The following ODR4 variants were observed in gnomAD, a reference collection of about 807,000 sequenced individuals.
ODR4 encodes odr-4 GPCR localization factor homolog.
Under a neutral mutation model 60.2 loss-of-function variants are expected in ODR4, and 47 were observed. That is an observed-to-expected ratio of 0.78 (90% CI 0.62 to 1.00). The LOEUF is 1.00. Ranked by LOEUF, ODR4 falls within the 50% of genes least tolerant of loss-of-function variation. The pLI is 0.00. For missense variants in ODR4, 488 were observed against 530.8 expected (o/e 0.92, Z 0.79); for synonymous variants, 178 against 175.5 (o/e 1.01, Z -0.11).
intron 13 of ODR4, among the ~76,000 whole-genome samples, chr1:186,418,354 A>G (rs1661662004): frequency 6.8e-6 from 1 of 146,296 alleles, no homozygotes; most frequent in Admixed American, 6.9e-5. Context: ...GCAGTGGCGC[A>G]ATCTCGGCTC....
chr1:186,402,581 A>T (rs1426937910), intron 11 of ODR4, among the ~76,000 whole-genome samples: 161 of 147,552 alleles, frequency 1.1e-3, no homozygotes, highest in Non-Finnish European at 1.6e-3. Flanking sequence ...TTTTTTTTTT[A>T]ACTTTTTTGT....
At chr1:186,425,509 G>A (rs1661867333), downstream of ODR4, among the ~76,000 whole-genome samples, 1 of 152,076 alleles carries the variant, frequency 6.6e-6, no homozygotes. Context: ...ACTTTGCTCT[G>A]AGTCATTCTT....
downstream of ODR4, among the ~76,000 whole-genome samples, chr1:186,423,955 G>T (rs903548117): frequency 6.6e-6 from 1 of 152,184 alleles, no homozygotes; most frequent in African/African-American, 2.4e-5. Context: ...ATGTGCCTCA[G>T]TCTTTCACAC....
the ODR4 span, among the ~76,000 whole-genome samples, chr1:186,430,183 A>G: frequency 3.9e-5 from 6 of 152,184 alleles, no homozygotes; most frequent in African/African-American, 1.4e-4. Flanking sequence ...GTAAATAACT[A>G]TTATCTTTGT....
chr1:186,381,335 T>C (rs374401652), intron 2 of ODR4, among the ~76,000 whole-genome samples: 6 of 149,722 alleles, frequency 4.0e-5, no homozygotes, highest in African/African-American at 1.5e-4. Context: ...CTTCCTTCTT[T>C]TTTTTTTTTT....
At chr1:186,401,608 CTCTT>C (rs1404225266) in intron 11 of ODR4, among the ~76,000 whole-genome samples, 1 of 151,564 alleles carries the variant, frequency 6.6e-6, no homozygotes, top group African/African-American at 2.4e-5. Flanking sequence ...CTTCCTCCCT[CTCTT>C]TCTATGATCA....
intron 12 of ODR4, among the ~76,000 whole-genome samples, chr1:186,406,929 G>A (rs974551040): frequency 2.0e-5 from 3 of 151,992 alleles, no homozygotes; most frequent in African/African-American, 7.2e-5. Context: ...AAATAAATAT[G>A]TAAGTTCCTT....
intron 8 of ODR4, among the ~76,000 whole-genome samples, 154 bp from the exon 9 acceptor site, chr1:186,393,793 T>A (rs1660559699): frequency 6.6e-6 from 1 of 152,232 alleles, no homozygotes; most frequent in African/African-American, 2.4e-5. Context: ...TGATACAGAA[T>A]ACATAAAGTA....
intron 8 of ODR4, among the ~76,000 whole-genome samples, chr1:186,392,707 AC>A (rs1438969377): frequency 3.3e-5 from 5 of 151,486 alleles, no homozygotes; most frequent in African/African-American, 1.2e-4. Flanking sequence ...AATTGCAGCT[AC>A]TTGGGAGGCA....
At chr1:186,400,899 T>G (rs770552852) in intron 11 of ODR4, 7 of 669,812 alleles carry the variant, frequency 1.0e-5, no homozygotes, top group African/African-American at 3.6e-5. Context: ...ACATAGTCCA[T>G]CAGTCTAGCA....
intron 12 of ODR4, 90 bp downstream of exon 12, chr1:186,406,358 T>C: frequency 3.0e-6 from 3 of 1,007,458 alleles, no homozygotes; most frequent in Non-Finnish European, 4.2e-6. Flanking sequence ...TGTCTTTAGA[T>C]TTTTTTTAAA....
the ODR4 span, among the ~76,000 whole-genome samples, chr1:186,429,908 T>G: frequency 3.3e-5 from 5 of 152,298 alleles, no homozygotes; most frequent in Non-Finnish European, 5.9e-5. Context: ...CTCATAAAAT[T>G]TATAACATTT....
the ODR4 span, among the ~76,000 whole-genome samples, chr1:186,430,897 A>G: frequency 3.3e-5 from 5 of 151,278 alleles, no homozygotes; most frequent in Admixed American, 3.3e-4. Flanking sequence ...AAACAGGTTC[A>G]GGAAAGTCAT....
At chr1:186,421,397 G>C (rs1661771118), downstream of ODR4, 1 of 152,090 alleles carries the variant, frequency 6.6e-6, no homozygotes, top group Non-Finnish European at 1.5e-5. Context: ...TTTTAAATAA[G>C]GATATAATTG....
At chr1:186,403,556 A>C (rs1246505848) in intron 11 of ODR4, among the ~76,000 whole-genome samples, 2 of 152,042 alleles carry the variant, frequency 1.3e-5, no homozygotes, top group Non-Finnish European at 2.9e-5. Flanking sequence ...TTTTGCATGC[A>C]TGAGGAAGTC....
intron 9 of ODR4, among the ~76,000 whole-genome samples, chr1:186,394,244 A>T (rs1660584521): frequency 6.6e-6 from 1 of 152,118 alleles, no homozygotes; most frequent in Non-Finnish European, 1.5e-5. Context: ...ATAGCAGTTT[A>T]AAAAAATATG....
intron 2 of ODR4, among the ~76,000 whole-genome samples, chr1:186,380,701 A>G (rs1659990687): frequency 6.6e-6 from 1 of 151,986 alleles, no homozygotes; most frequent in Non-Finnish European, 1.5e-5. Context: ...TATTGGGACA[A>G]TTTTCTTTCT....
At chr1:186,402,205 T>TCTTTCTTTCTTTCTTTC (rs1198041731) in intron 11 of ODR4, among the ~76,000 whole-genome samples, 1 of 146,350 alleles carries the variant, frequency 6.8e-6, no homozygotes, top group Middle Eastern at 3.2e-3. Context: ...TTTCTTTCTT[T>TCTTTCTTTCTTTCTTTC]CTTTCTTTCT....
intron 2 of ODR4, among the ~76,000 whole-genome samples, chr1:186,381,324 C>G (rs1337659833): frequency 2.0e-5 from 3 of 151,768 alleles, no homozygotes. Flanking sequence ...TAATTTAAGG[C>G]CTTCCTTCTT....
Sources: allele counts gnomAD v4.1 joint callset (sites outside exome capture counted in the v4.1 genomes callset), GRCh38; gene constraint gnomAD v4.1.1; transcripts MANE v1.5; gene names NCBI Gene and HGNC (gene_info 2026-07-23, HGNC 2026-07-21).